The following RELN variants were observed in gnomAD, a reference collection of about 807,000 sequenced individuals.
The protein encoded by RELN is reelin.
RELN carries 108 observed loss-of-function variants against 427.6 expected under a neutral mutation model. That is an observed-to-expected ratio of 0.25 (90% CI 0.22 to 0.30). The LOEUF is 0.30. Among genes scored for constraint, RELN ranks in the 10% least tolerant of loss-of-function variants. The pLI is 1.00. For missense variants in RELN, 3,715 were observed against 4,302.8 expected (o/e 0.86, Z 3.82); for synonymous variants, 1,524 against 1,513.4 (o/e 1.01, Z -0.16).
intron 3 of RELN, among the ~76,000 whole-genome samples, chr7:103,820,032 T>C (rs1792975500): frequency 6.6e-6 from 1 of 151,962 alleles, no homozygotes; most frequent in Non-Finnish European, 1.5e-5. Flanking sequence ...ATTTACAAAA[T>C]ATACAATAAT....
intron 7 of RELN, among the ~76,000 whole-genome samples, chr7:103,724,651 GCTAA>G (rs1482878521): frequency 1.3e-5 from 2 of 152,118 alleles, no homozygotes; most frequent in African/African-American, 2.4e-5. Flanking sequence ...AATTATGTGT[GCTAA>G]CTGAGGGTGA....
chr7:103,563,678 A>G lies in RELN; in HGVS notation c.5210+1600T>C, dbSNP rs1056857119. On this transcript the variant is annotated intron_variant, in intron 34 of 64. Coordinates refer to ENST00000428762, the MANE Select transcript of RELN (RefSeq NM_005045.4). The surrounding 1 kb of genome is among the most constrained non-coding windows in gnomAD (Gnocchi z 4.1). ...TTCTAGGCCTTCACATTCACTCACC[A>G]CTCACTCACCCACTCACCCAGAGCA... Among the ~76,000 whole-genome samples the G allele has an allele frequency of 1.3e-4, 20 of 150,844 alleles. No individual in the cohort carries two copies. Among genetic ancestry groups the G allele is most frequent in the African/African-American group, 4.6e-4 (19 of 41,424 alleles).
chr7:103,793,131 G>A (rs1792208578), intron 3 of RELN, among the ~76,000 whole-genome samples: 1 of 152,114 alleles, frequency 6.6e-6, no homozygotes, highest in African/African-American at 2.4e-5. Context: ...GCAACTTTGA[G>A]CCCAGGGAGA....
intron 3 of RELN, among the ~76,000 whole-genome samples, chr7:103,812,749 C>A (rs1435024833): frequency 2.6e-5 from 4 of 152,146 alleles, no homozygotes; most frequent in Non-Finnish European, 4.4e-5. Context: ...TTTATCTGAT[C>A]CTCTATGCAG....
intron 2 of RELN, among the ~76,000 whole-genome samples, chr7:103,873,003 ATCTC>A (rs1227151060): frequency 6.6e-6 from 1 of 151,982 alleles, no homozygotes; most frequent in Non-Finnish European, 1.5e-5. Context: ...TTAACAAACT[ATCTC>A]TCAGACCACA....
chr7:103,479,249 T>C (rs188623942), intron 63 of RELN, among the ~76,000 whole-genome samples: 36 of 152,330 alleles, frequency 2.4e-4, no homozygotes, highest in Admixed American at 2.0e-3. Context: ...AATTCTCTTT[T>C]ATCCTAAGAA....
chr7:103,544,718 T>A (rs1030207648), intron 42 of RELN, among the ~76,000 whole-genome samples: 5 of 152,176 alleles, frequency 3.3e-5, no homozygotes, highest in Admixed American at 6.5e-5. Flanking sequence ...GAATTCTAGG[T>A]GTAAAACTAA....
chr7:103,773,401 G>GTC (rs1187643108), intron 4 of RELN, among the ~76,000 whole-genome samples: 3 of 8,446 alleles, frequency 3.6e-4, no homozygotes, highest in Admixed American at 2.9e-3. Flanking sequence ...CTCCCTCCCT[G>GTC]TCTCTCTCTC....
chr7:103,970,023 C>T (rs920693472), intron 1 of RELN, among the ~76,000 whole-genome samples: 1 of 152,170 alleles, frequency 6.6e-6, no homozygotes, highest in African/African-American at 2.4e-5. Context: ...AAGACATGTA[C>T]ATGCAGAGTG....
intron 11 of RELN, among the ~76,000 whole-genome samples, chr7:103,677,064 AT>A (rs1833545552): frequency 6.6e-6 from 1 of 151,976 alleles, no homozygotes; most frequent in South Asian, 2.1e-4. Context: ...CATATACACC[AT>A]GGAATACTAT....
intron 17 of RELN, among the ~76,000 whole-genome samples, chr7:103,639,939 A>G (rs1305521761): frequency 6.6e-6 from 1 of 152,200 alleles, no homozygotes; most frequent in Admixed American, 6.5e-5. Flanking sequence ...ATTTTTTGGT[A>G]TAAACATAAA....
intron 8 of RELN, among the ~76,000 whole-genome samples, chr7:103,702,455 C>A (rs1255614402): frequency 6.6e-6 from 1 of 152,092 alleles, no homozygotes; most frequent in African/African-American, 2.4e-5. Flanking sequence ...CAAAAATATT[C>A]CTTACAGAAT....
At chr7:103,546,568 C>T (rs913789946) in intron 41 of RELN, among the ~76,000 whole-genome samples, 12 of 152,120 alleles carry the variant, frequency 7.9e-5, no homozygotes, top group African/African-American at 2.9e-4. Flanking sequence ...ATTTTTCTAT[C>T]TTACTTTCTC....
chr7:103,884,635 C>G (rs6944413), intron 2 of RELN, among the ~76,000 whole-genome samples: 17,504 of 152,202 alleles, frequency 0.12, 1,450 homozygotes, highest in East Asian at 0.36. Context: ...TATGAACAGA[C>G]ACTTCTCAAA....
Position 103,911,580 on chromosome 7 carries a change from A to G in RELN, c.337+5495T>C, listed in dbSNP as rs1244833020. ...GTATGTTTATTGCGGCATTATTCACAATAGCAAAGACTTGGAACCAACCCA... is the reference window on the plus strand; with the variant it reads ...GTATGTTTATTGCGGCATTATTCACGATAGCAAAGACTTGGAACCAACCCA... On this transcript the variant is annotated intron_variant, in intron 2 of 64. Coordinates refer to ENST00000428762, the MANE Select transcript of RELN (RefSeq NM_005045.4). Among the ~76,000 whole-genome samples, 8 of 151,130 alleles carry G rather than the reference A, an allele frequency of 5.3e-5. No individual in the cohort carries two copies. In the East Asian group the frequency reaches 1.6e-3, roughly 30 times the overall value.
At chr7:103,919,133 C>CTTTTTTTTTTTTTTTTTTTTTTT in intron 1 of RELN, among the ~76,000 whole-genome samples, 1 of 101,368 alleles carries the variant, frequency 9.9e-6, no homozygotes, top group Non-Finnish European at 2.0e-5. Context: ...GATAATCGGT[C>CTTTTTTTTTTTTTTTTTTTTTTT]TTTTTTTTTT....
At position 103,522,101 on chromosome 7, in the gene RELN, T is replaced by C. The variant is rs755257682; in HGVS notation, c.7589A>G (p.Asn2530Ser). The change falls in exon 48 of 65, where the codon AAC becomes AGC. Residue 2530 changes from asparagine (N) to serine (S), a missense_variant. Physicochemically the swap from Asn to Ser is conservative, Grantham distance 46 (BLOSUM62 1). This residue lies in a region of RELN where 1,310 missense variants were observed against 1,643.0 expected (regional missense o/e 0.80). Coordinates refer to ENST00000428762, the MANE Select transcript of RELN (RefSeq NM_005045.4). ...TTTCCCTCCGTTCACAGTCAGCCAG[T>C]TCTGACTGGATGGAGCTCGATTGAA... Reference protein sequence around the residue: ...DNFNRAPSSQNWLTVNGGKLS... With the variant: ...DNFNRAPSSQSWLTVNGGKLS... 3.1e-6 allele frequency: 5 copies of C among 1,613,940 alleles called. No individual in the cohort carries two copies. In the African/African-American group the frequency reaches 6.7e-5, roughly 22 times the overall value.
At position 103,551,705 on chromosome 7, in the gene RELN, T is replaced by C. The variant is rs147887344; in HGVS notation, c.6073-409A>G. 2.7e-3 allele frequency among the ~76,000 whole-genome samples: 411 copies of C among 152,144 alleles called. 1 individual carries two copies. Among genetic ancestry groups the C allele is most frequent in the African/African-American group, 9.3e-3 (387 of 41,516 alleles). On this transcript the variant is annotated intron_variant, in intron 40 of 64. Transcript: ENST00000428762. ...TTCTATTTTCCTTCTTATGACACCTTCCAAATAATCCTAAGAGTTTTACAC... is the reference window on the plus strand; with the variant it reads ...TTCTATTTTCCTTCTTATGACACCTCCCAAATAATCCTAAGAGTTTTACAC...
chr7:103,638,642 G>A (rs1003512886), intron 17 of RELN, among the ~76,000 whole-genome samples: 11 of 152,082 alleles, frequency 7.2e-5, no homozygotes, highest in Non-Finnish European at 1.0e-4. Flanking sequence ...AGCCGTAAGC[G>A]AACAAAGCCA....
Sources: gnomAD v4.1 joint callset for allele counts (sites outside exome capture counted in the v4.1 genomes callset) on GRCh38, gnomAD v4.1.1 for gene constraint, gnomAD v4.1.1 regional missense constraint, Gnocchi (gnomAD v3.1) non-coding constraint, MANE v1.5 for transcripts, NCBI Gene and HGNC (gene_info 2026-07-23, HGNC 2026-07-21) for gene names.